Variants in HPSE2 observed in about 807,000 individuals in gnomAD.
The protein encoded by HPSE2 is inactive heparanase-2.
Under a neutral mutation model 60.5 loss-of-function variants are expected in HPSE2, and 38 were observed. The ratio of observed to expected loss-of-function variants is 0.63; its 90% CI spans 0.48 to 0.82. The LOEUF is 0.82. HPSE2 is among the 40% of genes least tolerant of loss of function. HPSE2 has a pLI of 0.00. For synonymous variants in HPSE2, 295 were observed against 293.2 expected, an observed-to-expected ratio of 1.01 and a Z score of -0.06; for missense variants, 713 against 740.4, an observed-to-expected ratio of 0.96 and a Z score of 0.43.
chr10:98,690,470 G>A (rs1046152900), intron 6 of HPSE2, among the ~76,000 whole-genome samples: 3 of 152,200 alleles, frequency 2.0e-5, no homozygotes, highest in African/African-American at 7.2e-5. Flanking sequence ...GAACTGGGAG[G>A]TGGAGCTTGC....
intron 9 of HPSE2, among the ~76,000 whole-genome samples, chr10:98,583,493 C>T (rs1305272243): frequency 6.6e-6 from 1 of 152,218 alleles, no homozygotes; most frequent in African/African-American, 2.4e-5. Context: ...ACAAGTTTTA[C>T]CTAGAAACTG....
At chr10:99,032,232 A>G (rs1284946476) in intron 3 of HPSE2, among the ~76,000 whole-genome samples, 1 of 152,212 alleles carries the variant, frequency 6.6e-6, no homozygotes, top group African/African-American at 2.4e-5. Flanking sequence ...GGCAATATTT[A>G]GAAAATGTCT....
intron 3 of HPSE2, among the ~76,000 whole-genome samples, chr10:99,098,932 A>G (rs1210500806): frequency 6.6e-6 from 1 of 152,226 alleles, no homozygotes; most frequent in Admixed American, 6.5e-5. Context: ...AAACAATGTT[A>G]ACATTAAATA....
intron 4 of HPSE2, among the ~76,000 whole-genome samples, chr10:98,733,166 G>A (rs1196447623): frequency 1.3e-5 from 2 of 152,170 alleles, no homozygotes; most frequent in South Asian, 2.1e-4. Flanking sequence ...TGTTACCCAG[G>A]CTGGAGTGCA....
intron 3 of HPSE2, among the ~76,000 whole-genome samples, chr10:98,831,698 C>A (rs1951687163): frequency 6.6e-6 from 1 of 152,108 alleles, no homozygotes; most frequent in African/African-American, 2.4e-5. Context: ...ATGCAAATTC[C>A]ACAGCCACAG....
At chr10:98,529,271 T>C (rs781334804) in intron 9 of HPSE2, among the ~76,000 whole-genome samples, 3 of 152,246 alleles carry the variant, frequency 2.0e-5, no homozygotes, top group Non-Finnish European at 2.9e-5. Context: ...TGTGTTGAGA[T>C]AGACTAACAG....
chr10:99,114,107 T>C (rs1844580132), intron 3 of HPSE2, among the ~76,000 whole-genome samples: 1 of 152,212 alleles, frequency 6.6e-6, no homozygotes, highest in Non-Finnish European at 1.5e-5. Flanking sequence ...AATCTCAGAA[T>C]AAACCAGAAT....
At chr10:98,498,067 T>G (rs1348647761) in intron 9 of HPSE2, among the ~76,000 whole-genome samples, 3 of 152,138 alleles carry the variant, frequency 2.0e-5, no homozygotes, top group Non-Finnish European at 2.9e-5. Context: ...AAATATAGCT[T>G]TGAGGAGATT....
At chr10:98,889,797 C>T (rs1456352522) in intron 3 of HPSE2, among the ~76,000 whole-genome samples, 2 of 152,076 alleles carry the variant, frequency 1.3e-5, no homozygotes, top group African/African-American at 4.8e-5. Flanking sequence ...GTACCTTTTG[C>T]TTCTATCAAA....
chr10:98,804,636 G>C (rs1166264556), intron 3 of HPSE2, among the ~76,000 whole-genome samples: 1 of 152,072 alleles, frequency 6.6e-6, no homozygotes, highest in Non-Finnish European at 1.5e-5. Flanking sequence ...AATAACAAAT[G>C]CTGGAGAGGA....
chr10:98,590,281 A>C (rs960204402), intron 9 of HPSE2, among the ~76,000 whole-genome samples: 3 of 152,232 alleles, frequency 2.0e-5, no homozygotes, highest in Non-Finnish European at 4.4e-5. Flanking sequence ...TCTTTACTAA[A>C]AATACAAAAA....
chr10:98,939,036 G>A (rs1371819570), intron 3 of HPSE2, among the ~76,000 whole-genome samples: 1 of 143,864 alleles, frequency 7.0e-6, no homozygotes, highest in Non-Finnish European at 1.5e-5. Context: ...AGCAAATGCT[G>A]AGAGATTTTG....
intron 3 of HPSE2, among the ~76,000 whole-genome samples, chr10:98,932,761 T>C (rs530610899): frequency 2.1e-5 from 3 of 143,604 alleles, no homozygotes; most frequent in Non-Finnish European, 4.5e-5. Flanking sequence ...AGTTTGTTTT[T>C]AAAGAGGTGT....
chr10:98,982,125 C>T (rs1956222166), intron 3 of HPSE2, among the ~76,000 whole-genome samples: 2 of 151,890 alleles, frequency 1.3e-5, no homozygotes, highest in South Asian at 2.1e-4. Context: ...AAGCCTTGAC[C>T]TCCATCAGAA....
intron 9 of HPSE2, among the ~76,000 whole-genome samples, chr10:98,583,397 G>T (rs1193052667): frequency 6.6e-6 from 1 of 152,104 alleles, no homozygotes; most frequent in Non-Finnish European, 1.5e-5. Context: ...TTCTTTCATT[G>T]CTTTGGTTGT....
chr10:98,932,730 T>C lies in HPSE2; in HGVS notation c.611-188674A>G, dbSNP rs1954675018. Among the ~76,000 whole-genome samples the C allele has an allele frequency of 3.5e-5, 5 of 143,426 alleles. No homozygotes were observed. In the South Asian group the frequency reaches 1.1e-3, roughly 30 times the overall value. The allele number at this position is 143,426 out of a possible 152,430, so 94.1% of individuals were successfully genotyped here. A position where few individuals can be genotyped will look rare whatever the true frequency, so the allele number is the denominator to read the frequency against. ...GAGGGTGTATGTGTCCAGGAATTTATGCATTTCTTCTAGATTTTCTAGTTT... is the reference window on the plus strand; with the variant it reads ...GAGGGTGTATGTGTCCAGGAATTTACGCATTTCTTCTAGATTTTCTAGTTT... On this transcript the variant is annotated intron_variant, in intron 3 of 11. Transcript: ENST00000370552.
chr10:99,292,863 C>A, the HPSE2 span, among the ~76,000 whole-genome samples: 5 of 152,134 alleles, frequency 3.3e-5, no homozygotes, highest in Admixed American at 2.6e-4. Flanking sequence ...TGGTACAGAT[C>A]TAGAGTAATA....
intron 3 of HPSE2, among the ~76,000 whole-genome samples, chr10:98,995,843 A>T (rs1370273901): frequency 2.0e-5 from 3 of 152,142 alleles, no homozygotes; most frequent in Non-Finnish European, 2.9e-5. Flanking sequence ...AAAATCTATA[A>T]ATGGACAATG....
chr10:98,908,048 A>G (rs1953873271), intron 3 of HPSE2, among the ~76,000 whole-genome samples: 1 of 152,190 alleles, frequency 6.6e-6, no homozygotes, highest in Admixed American at 6.5e-5. Flanking sequence ...ACCAAAGTGA[A>G]AGCATAAGAC....
Sources: gnomAD v4.1 joint callset for allele counts (sites outside exome capture counted in the v4.1 genomes callset) on GRCh38, gnomAD v4.1.1 for gene constraint, MANE v1.5 for transcripts, NCBI Gene and HGNC (gene_info 2026-07-23, HGNC 2026-07-21) for gene names.